DCAF1: variants seen among roughly 807,000 people sequenced by gnomAD.
DCAF1 encodes the protein DDB1 and CUL4 associated factor 1.
A neutral mutation model predicts 128.0 loss-of-function variants in DCAF1; 15 were observed. The ratio of observed to expected loss-of-function variants is 0.12; its 90% confidence interval spans 0.08 to 0.18. DCAF1 has a LOEUF of 0.18. Among genes scored for constraint, DCAF1 ranks in the 10% least tolerant of loss-of-function variants. The pLI, the probability that DCAF1 is intolerant of heterozygous loss-of-function variation, is 1.00. For missense variants in DCAF1, 988 were observed against 1,649.5 expected (o/e 0.60, Z 6.95); for synonymous variants, 610 against 603.0 (o/e 1.01, Z -0.17).
At chr3:51,412,109 T>TAAAAAAA (rs782087400) in intron 23 of DCAF1, among the ~76,000 whole-genome samples, 2 of 29,460 alleles carry the variant, frequency 6.8e-5, no homozygotes, top group African/African-American at 2.8e-4. Flanking sequence ...AACTCCATTC[T>TAAAAAAA]AAAAAAAAAA....
chr3:51,448,330 AT>A (rs1553640766), intron 6 of DCAF1, among the ~76,000 whole-genome samples: 1 of 152,138 alleles, frequency 6.6e-6, no homozygotes, highest in East Asian at 1.9e-4. Flanking sequence ...GATCTTCATT[AT>A]TAGTTACCCT....
intron 23 of DCAF1, among the ~76,000 whole-genome samples, chr3:51,406,008 TG>T (rs1338726488): frequency 1.3e-5 from 2 of 152,010 alleles, no homozygotes; most frequent in Non-Finnish European, 2.9e-5. Context: ...CACTCCAGCC[TG>T]GGCAACAGAG....
intron 1 of DCAF1, among the ~76,000 whole-genome samples, chr3:51,498,274 C>T (rs531233999): frequency 6.9e-6 from 1 of 144,802 alleles, no homozygotes; most frequent in Non-Finnish European, 1.5e-5. Context: ...GCAGGAGAAT[C>T]ACTTGAACCT....
At chr3:51,484,205 G>T (rs1706636655) in intron 2 of DCAF1, among the ~76,000 whole-genome samples, 1 of 152,084 alleles carries the variant, frequency 6.6e-6, no homozygotes, top group South Asian at 2.1e-4. Context: ...AGGCATGGTG[G>T]CTCACACCTG....
chr3:51,469,374 G>A (rs1704485749), intron 4 of DCAF1, among the ~76,000 whole-genome samples: 1 of 151,928 alleles, frequency 6.6e-6, no homozygotes, highest in Non-Finnish European at 1.5e-5. Flanking sequence ...GGGATTACAG[G>A]CATGCGCCAT....
intron 6 of DCAF1, among the ~76,000 whole-genome samples, chr3:51,445,451 A>G (rs1701761920): frequency 2.0e-5 from 3 of 152,196 alleles, no homozygotes; most frequent in South Asian, 2.1e-4. Flanking sequence ...TCTCATCCTC[A>G]TATCAAGCCT....
At chr3:51,417,802 A>AGGGGG (rs1179892591) in intron 17 of DCAF1, among the ~76,000 whole-genome samples, 1 of 106,452 alleles carries the variant, frequency 9.4e-6, no homozygotes, top group African/African-American at 3.6e-5. Flanking sequence ...AGGGGAGGTG[A>AGGGGG]GGGGGGAGGG....
chr3:51,469,380 G>A (rs1261789388), intron 4 of DCAF1, among the ~76,000 whole-genome samples: 5 of 151,782 alleles, frequency 3.3e-5, no homozygotes, highest in African/African-American at 4.8e-5. Flanking sequence ...ACAGGCATGC[G>A]CCATCATGTC....
At chr3:51,471,311 A>G (rs568970523) in intron 3 of DCAF1, among the ~76,000 whole-genome samples, 19 of 150,236 alleles carry the variant, frequency 1.3e-4, no homozygotes, top group Non-Finnish European at 2.7e-4. Context: ...AGTATCCCGC[A>G]CAGCTGGGAC....
chr3:51,490,818 T>C (rs1553657643), intron 2 of DCAF1, among the ~76,000 whole-genome samples: 3 of 151,884 alleles, frequency 2.0e-5, no homozygotes, highest in Admixed American at 6.6e-5. Flanking sequence ...CCCGGCTATC[T>C]GGGAGAATGA....
At chr3:51,456,612 C>G (rs1319196838) in intron 6 of DCAF1, among the ~76,000 whole-genome samples, 5 of 152,212 alleles carry the variant, frequency 3.3e-5, no homozygotes, top group Non-Finnish European at 7.3e-5. Context: ...GGCGGACTGC[C>G]TCCTCAAGTG....
rs782507867 is a variant in DCAF1, at chr3:51,403,372, T to A, written c.4236A>T (p.Glu1412Asp). 64 of 1,552,534 alleles carry A rather than the reference T, an allele frequency of 4.1e-5. No individual in the cohort carries two copies. The highest frequency in any genetic ancestry group is 5.2e-5 in the Non-Finnish European group (60 of 1,147,378). Residue 1412 changes from glutamate (E) to aspartate (D), a missense_variant, in exon 24 of 25, where the codon GAA (glutamate) becomes GAT (aspartate). Glu to Asp is a conservative substitution (Grantham distance 45). Around this residue, in one of 11 missense-constraint regions of DCAF1, gnomAD observed 97 missense variants for 134.5 expected, o/e 0.72. Coordinates refer to ENST00000684031, the MANE Select transcript of DCAF1 (RefSeq NM_001387579.1). ...EDQEEEEQEE[E>D]DDDEDDDDTD... Reference sequence around the variant, plus strand: ...TGTCATCATCATCTTCATCATCATCTTCTTCCTCCTGTTCTTCCTCTTCCT... The same window carrying A: ...TGTCATCATCATCTTCATCATCATCATCTTCCTCCTGTTCTTCCTCTTCCT...
At chr3:51,442,976 AC>A (rs1487978450) in intron 7 of DCAF1, among the ~76,000 whole-genome samples, 1 of 152,098 alleles carries the variant, frequency 6.6e-6, no homozygotes, top group South Asian at 2.1e-4. Context: ...TGGGCCTAAT[AC>A]TTAGGTGATG....
At chr3:51,435,622 A>C (rs566856026) in intron 9 of DCAF1, among the ~76,000 whole-genome samples, 2 of 152,060 alleles carry the variant, frequency 1.3e-5, no homozygotes, top group Non-Finnish European at 2.9e-5. Flanking sequence ...GAAGCAGAAT[A>C]ATCACTTGAA....
At position 51,441,463 on chromosome 3, in the gene DCAF1, A is replaced by G. The variant is rs782175774; in HGVS notation, c.948T>C (p.Tyr316=). Reference sequence around the variant, plus strand: ...TAGCAGGAGTCATAGGATAAAGGGTATAATTGGTGCCAATCACCCAGGGAG... The same window carrying G: ...TAGCAGGAGTCATAGGATAAAGGGTGTAATTGGTGCCAATCACCCAGGGAG... ...EMSPWVIGTN[Y]TLYPMTPAIE... Residue 316 remains tyrosine, a synonymous_variant, in exon 8 of 25, where the codon TAT becomes TAC. Transcript: ENST00000684031. The G allele has an allele frequency of 2.8e-5, 45 of 1,614,032 alleles. No individual in the cohort carries two copies. The highest frequency in any genetic ancestry group is 3.8e-5 in the Non-Finnish European group (45 of 1,179,896).
At chr3:51,429,933 C>T in intron 11 of DCAF1, 100 bp downstream of exon 11, 2 of 650,722 alleles carry the variant, frequency 3.1e-6, no homozygotes, top group Non-Finnish European at 5.6e-6. Context: ...CAAAACTCCT[C>T]TAATCAGAAG....
intron 20 of DCAF1, among the ~76,000 whole-genome samples, chr3:51,413,658 G>T (rs782656099): frequency 2.0e-5 from 3 of 152,100 alleles, no homozygotes; most frequent in Non-Finnish European, 4.4e-5. Context: ...CAACACAAGA[G>T]GACAAATGCA....
intron 10 of DCAF1, among the ~76,000 whole-genome samples, chr3:51,431,605 T>C (rs1033326049): frequency 2.0e-5 from 3 of 151,358 alleles, no homozygotes; most frequent in Non-Finnish European, 2.9e-5. Context: ...TCTGCAGCCC[T>C]AGGAACAGTT....
chr3:51,437,421 A>AG (rs1553637215), intron 9 of DCAF1: 1 of 511,058 alleles, frequency 2.0e-6, no homozygotes, highest in East Asian at 5.5e-5. Context: ...AGCTGATCTG[A>AG]ATGGAGCAAT....
Sources: gnomAD v4.1 joint callset for allele counts (sites outside exome capture counted in the v4.1 genomes callset) on GRCh38, gnomAD v4.1.1 for gene constraint, gnomAD v4.1.1 regional missense constraint, MANE v1.5 for transcripts, NCBI Gene and HGNC (gene_info 2026-07-23, HGNC 2026-07-21) for gene names.